Variants in CBLN2 observed in about 807,000 individuals in gnomAD.
CBLN2 encodes cerebellin-2.
A neutral mutation model predicts 15.0 loss-of-function variants in CBLN2; 7 were observed. That is an observed-to-expected ratio of 0.47 (90% CI 0.27 to 0.88). The LOEUF is 0.88. Among genes scored for constraint, CBLN2 ranks in the 40% least tolerant of loss-of-function variants. The pLI is 0.14. For missense variants in CBLN2, 242 were observed against 304.5 expected (o/e 0.79, Z 1.53); for synonymous variants, 149 against 135.2 (o/e 1.10, Z -0.71).
chr18:72,555,447 C>CGT (rs61258751), intron 1 of CBLN2, among the ~76,000 whole-genome samples: 20,350 of 149,556 alleles, frequency 0.14, 3,454 homozygotes, highest in African/African-American at 0.4. Context: ...TGTGTGTGGG[C>CGT]GTGTGTGTGT....
At chr18:72,608,954 TA>T (rs1415873296) in intron 1 of CBLN2, among the ~76,000 whole-genome samples, 1 of 152,160 alleles carries the variant, frequency 6.6e-6, no homozygotes, top group Non-Finnish European at 1.5e-5. Flanking sequence ...TCATGAGACT[TA>T]TTCACTACCA....
Position 72,636,599 on chromosome 18 carries a change from G to A in CBLN2, c.15+1726C>T, listed in dbSNP as rs1032532267. Among the ~76,000 whole-genome samples the A allele has an allele frequency of 1.1e-4, 17 of 152,128 alleles. No homozygotes were observed. The East Asian group carries it at 2.7e-3, about 24-fold the overall frequency. Reference sequence around the variant, plus strand: ...CTCCCCTAGAAGTCTCCCGTTCCCCGTGGTACATGTAAAATTTTTAGGTGG... The same window carrying A: ...CTCCCCTAGAAGTCTCCCGTTCCCCATGGTACATGTAAAATTTTTAGGTGG... On this transcript the variant is annotated intron_variant, in intron 1 of 2. Transcript: ENST00000581073.
At chr18:72,626,103 T>C (rs2069737766) in intron 1 of CBLN2, among the ~76,000 whole-genome samples, 1 of 152,006 alleles carries the variant, frequency 6.6e-6, no homozygotes, top group Admixed American at 6.6e-5. Context: ...GATTCATTCA[T>C]GGCAGCATGA....
chr18:72,631,674 C>G (rs2069777894), intron 1 of CBLN2, among the ~76,000 whole-genome samples: 1 of 152,066 alleles, frequency 6.6e-6, no homozygotes. Context: ...AATCTCAGGA[C>G]CTTTGTTTGC....
At chr18:72,589,321 C>A (rs903554972) in intron 1 of CBLN2, among the ~76,000 whole-genome samples, 4 of 152,192 alleles carry the variant, frequency 2.6e-5, no homozygotes, top group African/African-American at 7.2e-5. Flanking sequence ...CTCATACCAA[C>A]AAATTCAAAA....
At chr18:72,605,107 T>C (rs898570694) in intron 1 of CBLN2, among the ~76,000 whole-genome samples, 3 of 152,228 alleles carry the variant, frequency 2.0e-5, no homozygotes, top group African/African-American at 7.2e-5. Context: ...TCACAATGAA[T>C]TAGCACCTTT....
intron 1 of CBLN2, among the ~76,000 whole-genome samples, chr18:72,554,181 C>CT (rs934560237): frequency 3.2e-4 from 48 of 150,588 alleles, no homozygotes; most frequent in African/African-American, 9.7e-4. Flanking sequence ...TTTCATTACC[C>CT]TTTTTTTTTG....
At chr18:72,637,370 G>C (rs1014598426) in intron 1 of CBLN2, among the ~76,000 whole-genome samples, 2 of 152,092 alleles carry the variant, frequency 1.3e-5, no homozygotes, top group Non-Finnish European at 2.9e-5. Flanking sequence ...CAAAGAATCA[G>C]ATTGTTAAGC....
At chr18:72,629,022 A>G (rs567979295) in intron 1 of CBLN2, among the ~76,000 whole-genome samples, 12 of 152,280 alleles carry the variant, frequency 7.9e-5, no homozygotes, top group African/African-American at 2.9e-4. Context: ...TATGACCTTG[A>G]CCCTATTAAA....
At chr18:72,610,284 G>T (rs943248486) in intron 1 of CBLN2, among the ~76,000 whole-genome samples, 1 of 152,104 alleles carries the variant, frequency 6.6e-6, no homozygotes, top group Non-Finnish European at 1.5e-5. Context: ...GAGCATGTGT[G>T]CAGTGCTGTT....
chr18:72,565,295 C>A (rs2069287246), intron 1 of CBLN2, among the ~76,000 whole-genome samples: 1 of 151,892 alleles, frequency 6.6e-6, no homozygotes, highest in Admixed American at 6.6e-5. Context: ...GGTAGTACTA[C>A]CATTACAGTA....
intron 1 of CBLN2, among the ~76,000 whole-genome samples, chr18:72,565,633 G>A (rs970068388): frequency 6.6e-6 from 1 of 152,112 alleles, no homozygotes; most frequent in Non-Finnish European, 1.5e-5. Flanking sequence ...AAAAGGTACA[G>A]TAGTTACACA....
At chr18:72,620,880 C>T (rs566836828) in intron 1 of CBLN2, among the ~76,000 whole-genome samples, 1 of 152,112 alleles carries the variant, frequency 6.6e-6, no homozygotes, top group Admixed American at 6.5e-5. Context: ...CAGTCATAAA[C>T]GTGTTTTTTC....
At chr18:72,619,598 C>G (rs1224108170) in intron 1 of CBLN2, among the ~76,000 whole-genome samples, 1 of 152,132 alleles carries the variant, frequency 6.6e-6, no homozygotes, top group Non-Finnish European at 1.5e-5. Context: ...TGTAATCCAC[C>G]TGTATAGCTA....
intron 1 of CBLN2, among the ~76,000 whole-genome samples, chr18:72,593,225 C>A (rs1166348104): frequency 6.6e-6 from 1 of 151,754 alleles, no homozygotes; most frequent in East Asian, 1.9e-4. Context: ...AAGTTTCTTC[C>A]TTGGTATTTT....
chr18:72,605,758 A>T (rs1304576316), intron 1 of CBLN2, among the ~76,000 whole-genome samples: 2 of 152,244 alleles, frequency 1.3e-5, no homozygotes, highest in Non-Finnish European at 2.9e-5. Flanking sequence ...TAGGAGAGTT[A>T]CTACTAAGAA....
chr18:72,586,126 G>T (rs934347019), intron 1 of CBLN2, among the ~76,000 whole-genome samples: 1 of 152,186 alleles, frequency 6.6e-6, no homozygotes, highest in Non-Finnish European at 1.5e-5. Context: ...TGGGGCTTCT[G>T]CCTGTTCCTG....
chr18:72,600,228 A>G (rs1323038782), intron 1 of CBLN2, among the ~76,000 whole-genome samples: 1 of 152,218 alleles, frequency 6.6e-6, no homozygotes, highest in Non-Finnish European at 1.5e-5. Flanking sequence ...ACTCAAAAAG[A>G]AGGAATCCGT....
intron 1 of CBLN2, among the ~76,000 whole-genome samples, chr18:72,619,656 T>A (rs2069686661): frequency 6.6e-6 from 1 of 152,210 alleles, no homozygotes; most frequent in Admixed American, 6.5e-5. Context: ...ACGATTGTTT[T>A]TTGCCCTTGA....
Sources: allele counts gnomAD v4.1 joint callset (sites outside exome capture counted in the v4.1 genomes callset), GRCh38; gene constraint gnomAD v4.1.1; transcripts MANE v1.5; gene names NCBI Gene and HGNC (gene_info 2026-07-23, HGNC 2026-07-21).